GABRA5: variants seen among roughly 807,000 people sequenced by gnomAD.
The protein encoded by GABRA5 is gamma-aminobutyric acid receptor subunit alpha-5.
A neutral mutation model predicts 47.3 loss-of-function variants in GABRA5; 18 were observed. The ratio of observed to expected loss-of-function variants is 0.38; its 90% CI spans 0.26 to 0.56. The LOEUF is 0.56. GABRA5 is among the 20% of genes least tolerant of loss of function. The pLI is 0.71. For missense variants in GABRA5, 365 were observed against 599.3 expected, an observed-to-expected ratio of 0.61 and a Z score of 4.08; for synonymous variants, 237 against 229.3, an observed-to-expected ratio of 1.03 and a Z score of -0.30.
At chr15:26,887,815 G>A (rs1892915597) in intron 6 of GABRA5, among the ~76,000 whole-genome samples, 1 of 152,086 alleles carries the variant, frequency 6.6e-6, no homozygotes, top group Admixed American at 6.6e-5. Flanking sequence ...ACATCTAGAT[G>A]AAATACAGAC....
In GABRA5 at chr15:26,948,428, T is replaced by C. The variant is rs1894568462; in HGVS notation, c.*195T>C. On this transcript the variant is annotated 3_prime_UTR_variant, in exon 11 of 11. Coordinates refer to ENST00000335625, the MANE Select transcript of GABRA5 (RefSeq NM_000810.4). ...AGATGTTTCCAAGATGTCCCATTGATAATTCGAGCAAACAACTTTCTGGAA... is the reference window on the plus strand; with the variant it reads ...AGATGTTTCCAAGATGTCCCATTGACAATTCGAGCAAACAACTTTCTGGAA... 1.7e-6 allele frequency: 1 copy of C among 587,688 alleles called. No homozygotes were observed. The highest frequency in any genetic ancestry group is 3.0e-6 in the Non-Finnish European group (1 of 337,440). 36.4% of individuals were successfully genotyped at this position (587,688 alleles called of 1,614,324 possible). A position where few individuals can be genotyped will look rare whatever the true frequency, so the allele number is the denominator to read the frequency against.
At chr15:26,947,176 C>A (rs1894531609) in intron 10 of GABRA5, among the ~76,000 whole-genome samples, 1 of 152,170 alleles carries the variant, frequency 6.6e-6, no homozygotes, top group Non-Finnish European at 1.5e-5. Context: ...AGTCCTAATT[C>A]CGTTTATGGC....
intron 9 of GABRA5, among the ~76,000 whole-genome samples, chr15:26,942,971 C>T (rs965872412): frequency 1.3e-5 from 2 of 152,160 alleles, no homozygotes; most frequent in Non-Finnish European, 2.9e-5. Context: ...GTAATCCCAG[C>T]TACTCAGGCA....
Position 26,903,563 on chromosome 15 carries a change from C to G in GABRA5, c.498-11240C>G, listed in dbSNP as rs139880746. ...TCCACAATGGTTGAACTAATTTACA[C>G]TCCAGCCAACAGTGTATAAGCATTC... On this transcript the variant is annotated intron_variant, in intron 6 of 10. Transcript: ENST00000335625. Among the ~76,000 whole-genome samples, 221 of 152,222 alleles carry G rather than the reference C, an allele frequency of 1.5e-3. 5 individuals are homozygous for G. The highest frequency in any genetic ancestry group is 0.014 in the Admixed American group (213 of 15,272).
intron 6 of GABRA5, among the ~76,000 whole-genome samples, chr15:26,896,448 T>C (rs1461074294): frequency 2.0e-5 from 3 of 152,188 alleles, no homozygotes; most frequent in African/African-American, 7.2e-5. Context: ...GGAAAATTAA[T>C]TGGATATTAC....
chr15:26,943,844 G>A (rs924728713), intron 10 of GABRA5, among the ~76,000 whole-genome samples: 1 of 152,046 alleles, frequency 6.6e-6, no homozygotes, highest in Admixed American at 6.6e-5. Context: ...AAGCCCCACC[G>A]AGTGCATGAT....
chr15:26,896,956 GATGTAGAGAAAAAAATCT>G (rs1893209219), intron 6 of GABRA5, among the ~76,000 whole-genome samples: 1 of 8,078 alleles, frequency 1.2e-4, no homozygotes, highest in East Asian at 6.4e-3. Context: ...ACATCTTACA[GATGTAGAGAAAAAAATCT>G]CTACATCTTA....
At chr15:26,943,454 C>T (rs1206379414) in intron 10 of GABRA5, 28 bp downstream of exon 10, 9 of 1,542,990 alleles carry the variant, frequency 5.8e-6, no homozygotes, top group Non-Finnish European at 7.9e-6. Flanking sequence ...TCCTTTCTTC[C>T]AGGTCCCCTT....
At chr15:26,935,886 A>G (rs1489960073) in intron 7 of GABRA5, among the ~76,000 whole-genome samples, 1 of 152,094 alleles carries the variant, frequency 6.6e-6, no homozygotes, top group African/African-American at 2.4e-5. Flanking sequence ...TGTGCTCTGC[A>G]CACTGTTTAG....
chr15:26,913,930 A>G (rs1196301088), intron 6 of GABRA5, among the ~76,000 whole-genome samples: 2 of 152,154 alleles, frequency 1.3e-5, no homozygotes, highest in Non-Finnish European at 2.9e-5. Flanking sequence ...GCAGCTCTGC[A>G]TTCTAGGCCC....
chr15:26,936,808 A>T (rs374461291), intron 7 of GABRA5, among the ~76,000 whole-genome samples: 11 of 152,236 alleles, frequency 7.2e-5, no homozygotes, highest in African/African-American at 2.6e-4. Flanking sequence ...TGCTGTTTTT[A>T]TCCCATTCTA....
In GABRA5 at chr15:26,867,573, C is replaced by T. The variant is rs532617531; in HGVS notation, c.-140+462C>T. On this transcript the variant is annotated intron_variant, in intron 1 of 10. Transcript: ENST00000335625. The surrounding 1 kb of genome is among the most constrained non-coding windows in gnomAD (Gnocchi z 5.9). ...GGCCAGAGCGCAAACTTTACCCTGGCGACTGCGGGGCTGAAGCCGGGCGCG... is the reference window on the plus strand; with the variant it reads ...GGCCAGAGCGCAAACTTTACCCTGGTGACTGCGGGGCTGAAGCCGGGCGCG... 3.3e-5 allele frequency among the ~76,000 whole-genome samples: 5 copies of T among 151,854 alleles called. No homozygotes were observed. The highest frequency in any genetic ancestry group is 5.9e-5 in the Non-Finnish European group (4 of 67,932).
intron 7 of GABRA5, among the ~76,000 whole-genome samples, chr15:26,921,868 A>ATG (rs1893851073): frequency 2.0e-5 from 3 of 152,184 alleles, no homozygotes; most frequent in Middle Eastern, 3.4e-3. Flanking sequence ...ATTTAGATAT[A>ATG]TGTTATTTAG....
At chr15:26,916,479 T>G (rs539130724) in intron 7 of GABRA5, among the ~76,000 whole-genome samples, 1 of 152,272 alleles carries the variant, frequency 6.6e-6, no homozygotes, top group Admixed American at 6.5e-5. Context: ...TTGCTGTGGC[T>G]TTGTAACATA....
chr15:26,880,541 T>C, intron 3 of GABRA5: 1 of 218,900 alleles, frequency 4.6e-6, no homozygotes, highest in Non-Finnish European at 9.1e-6. Context: ...CCATGCGCAA[T>C]GGCTAATTGG....
Position 26,883,090 on chromosome 15 carries a change from T to C in GABRA5, c.209-76T>C, listed in dbSNP as rs1316543111. 7 of 1,207,746 alleles carry C rather than the reference T, an allele frequency of 5.8e-6. No homozygotes were observed. Among genetic ancestry groups the C allele is most frequent in the South Asian group, 1.2e-5 (1 of 82,774 alleles). The allele number at this position is 1,207,746 out of a possible 1,614,324, so 74.8% of individuals were successfully genotyped here. ...GGTTGCAGAGGGTGACCCTGGTTAC[T>C]GGACTGAGAGCACGAGAGTGTGCCA... On this transcript the variant is annotated intron_variant, in intron 4 of 10. Transcript: ENST00000335625. This position sits in a 1 kb window ranked among gnomAD's most constrained non-coding sequence, Gnocchi z 4.8.
chr15:26,939,851 C>A (rs1303044093), intron 8 of GABRA5, 74 bp from the exon 9 acceptor site: 1 of 1,498,792 alleles, frequency 6.7e-7, no homozygotes. Context: ...GGAAGGGAGG[C>A]TCCTGGTGAA....
At chr15:26,880,533 A>G (rs1595395415) in intron 3 of GABRA5, 1 of 210,740 alleles carries the variant, frequency 4.7e-6, no homozygotes, top group African/African-American at 2.3e-5. Flanking sequence ...CTGCCAGTCC[A>G]TGCGCAATGG....
At chr15:26,927,729 CT>C (rs1327121441) in intron 7 of GABRA5, among the ~76,000 whole-genome samples, 4 of 152,160 alleles carry the variant, frequency 2.6e-5, no homozygotes, top group Non-Finnish European at 5.9e-5. Flanking sequence ...CCATTGGCAT[CT>C]GAGCATGCAG....
Sources: gnomAD v4.1 joint callset for allele counts (sites outside exome capture counted in the v4.1 genomes callset) on GRCh38, gnomAD v4.1.1 for gene constraint, Gnocchi (gnomAD v3.1) non-coding constraint, MANE v1.5 for transcripts, NCBI Gene and HGNC (gene_info 2026-07-23, HGNC 2026-07-21) for gene names.